Variants in ZFHX3 observed in about 807,000 individuals in gnomAD.
The protein encoded by ZFHX3 is zinc finger homeobox protein 3.
Under a neutral mutation model 279.1 loss-of-function variants are expected in ZFHX3, and 42 were observed. The ratio of observed to expected loss-of-function variants is 0.15; its 90% CI spans 0.12 to 0.19. ZFHX3 has a LOEUF of 0.19. Ranked by LOEUF, ZFHX3 falls within the 10% of genes least tolerant of loss-of-function variation. The pLI is 1.00. For synonymous variants in ZFHX3, 2,293 were observed against 1,957.8 expected, an observed-to-expected ratio of 1.17 and a Z score of -4.52; for missense variants, 4,981 against 4,754.0, an observed-to-expected ratio of 1.05 and a Z score of -1.40.
At chr16:73,102,054 C>A (rs887824363) in intron 7 of ZFHX3, among the ~76,000 whole-genome samples, 8 of 151,922 alleles carry the variant, frequency 5.3e-5, no homozygotes, top group Non-Finnish European at 1.0e-4. Context: ...GCTGGGATTA[C>A]AGGCACCTGC....
intron 1 of ZFHX3, among the ~76,000 whole-genome samples, chr16:72,960,558 C>G (rs1961527908): frequency 6.6e-6 from 1 of 152,152 alleles, no homozygotes; most frequent in Non-Finnish European, 1.5e-5. Flanking sequence ...TCTCTCCAGC[C>G]CTCTACGAGG....
intron 1 of ZFHX3, among the ~76,000 whole-genome samples, chr16:73,702,573 T>G (rs2053259519): frequency 6.6e-6 from 1 of 152,140 alleles, no homozygotes. Flanking sequence ...ATATCACCTG[T>G]GCAGTTATCG....
chr16:73,037,324 A>G (rs1964945649), intron 1 of ZFHX3, among the ~76,000 whole-genome samples: 1 of 152,208 alleles, frequency 6.6e-6, no homozygotes, highest in Non-Finnish European at 1.5e-5. Context: ...GTTCTAAGAA[A>G]AGCGGTTTTT....
chr16:73,657,017 G>C (rs2052728109), intron 2 of ZFHX3, among the ~76,000 whole-genome samples: 1 of 152,304 alleles, frequency 6.6e-6, no homozygotes, highest in Middle Eastern at 3.4e-3. Flanking sequence ...ATAGCTTTAA[G>C]AAAACAAGTT....
At chr16:72,877,418 G>A (rs751519612) in intron 4 of ZFHX3, among the ~76,000 whole-genome samples, 15 of 152,028 alleles carry the variant, frequency 9.9e-5, no homozygotes, top group Non-Finnish European at 1.3e-4. Flanking sequence ...AATTCTTATT[G>A]TGGAAATAAA....
intron 3 of ZFHX3, among the ~76,000 whole-genome samples, chr16:73,343,279 T>TGATA (rs145855708): frequency 0.028 from 4,227 of 152,280 alleles, 203 homozygotes; most frequent in African/African-American, 0.095. Flanking sequence ...CTTGAATTAA[T>TGATA]GATATCCCAG....
chr16:73,263,509 C>G (rs2013881536), intron 4 of ZFHX3, among the ~76,000 whole-genome samples: 1 of 152,108 alleles, frequency 6.6e-6, no homozygotes, highest in East Asian at 1.9e-4. Flanking sequence ...CTTGGGTGAC[C>G]AATTCTCCAC....
intron 3 of ZFHX3, among the ~76,000 whole-genome samples, chr16:72,914,273 C>T (rs920776376): frequency 6.6e-6 from 1 of 152,142 alleles, no homozygotes; most frequent in Non-Finnish European, 1.5e-5. Flanking sequence ...GAAGACAGTC[C>T]GCCTTCATCT....
At chr16:73,398,047 G>A (rs187016099) in intron 3 of ZFHX3, among the ~76,000 whole-genome samples, 8 of 152,214 alleles carry the variant, frequency 5.3e-5, no homozygotes, top group Admixed American at 2.6e-4. Context: ...GTTTCACCAC[G>A]CTGGCCAGGC....
intron 1 of ZFHX3, among the ~76,000 whole-genome samples, chr16:73,791,746 T>A (rs761388840): frequency 3.3e-5 from 5 of 152,194 alleles, no homozygotes; most frequent in Non-Finnish European, 5.9e-5. Context: ...TCTAACAAAT[T>A]CCCGGATAAC....
At chr16:72,919,713 T>G (rs887924165) in intron 3 of ZFHX3, among the ~76,000 whole-genome samples, 3 of 150,552 alleles carry the variant, frequency 2.0e-5, no homozygotes, top group Non-Finnish European at 4.4e-5. Flanking sequence ...GATCTGTATA[T>G]GTAACATTTT....
chr16:73,556,966 G>A (rs1444861966), intron 2 of ZFHX3, among the ~76,000 whole-genome samples: 2 of 151,612 alleles, frequency 1.3e-5, no homozygotes, highest in African/African-American at 4.8e-5. Context: ...ATGGTGGTGG[G>A]CGCCTGTAGT....
In ZFHX3 at chr16:72,787,724, C is replaced by T. The variant is rs937833310; in HGVS notation, c.10552G>A (p.Gly3518Ser). The change falls in exon 10 of 10, where the codon GGC becomes AGC. Residue 3518 changes from glycine (G) to serine (S), a missense_variant. Gly to Ser is a moderately conservative substitution (Grantham distance 56). Transcript: ENST00000268489. The stretch of plus-strand genomic sequence containing the variant: ...CCGCCGCCGCCGCCGCCGCCACCGC[C>T]GCCGCCGCCGCCACTGCCACCGCCG... ...GGGGGSGGGG[G>S]GGGGGGGGGS... 2.1e-5 allele frequency: 29 copies of T among 1,394,244 alleles called. No individual in the cohort carries two copies. Among genetic ancestry groups the T allele is most frequent in the South Asian group, 4.1e-5 (2 of 49,058 alleles). The allele number at this position is 1,394,244 out of a possible 1,614,324, so 86.4% of individuals were successfully genotyped here. A position where few individuals can be genotyped will look rare whatever the true frequency, so the allele number is the denominator to read the frequency against.
At chr16:73,072,680 T>C (rs1965839539) in intron 8 of ZFHX3, among the ~76,000 whole-genome samples, 1 of 152,122 alleles carries the variant, frequency 6.6e-6, no homozygotes, top group South Asian at 2.1e-4. Flanking sequence ...TCCTCCCACT[T>C]CAGCCTCCTG....
chr16:73,354,333 C>T (rs1310838611), intron 3 of ZFHX3, among the ~76,000 whole-genome samples: 2 of 152,108 alleles, frequency 1.3e-5, no homozygotes, highest in Admixed American at 6.5e-5. Flanking sequence ...TGTAAGGTCC[C>T]GAGTGTATTC....
chr16:73,831,370 C>T (rs1302309741), intron 1 of ZFHX3, among the ~76,000 whole-genome samples: 1 of 152,134 alleles, frequency 6.6e-6, no homozygotes, highest in Non-Finnish European at 1.5e-5. Flanking sequence ...TCAGAGCAGC[C>T]CTGGGGGCTC....
intron 2 of ZFHX3, among the ~76,000 whole-genome samples, chr16:73,625,500 A>G (rs1305739839): frequency 6.6e-6 from 1 of 152,264 alleles, no homozygotes; most frequent in Non-Finnish European, 1.5e-5. Context: ...CATTATGTAT[A>G]TAATGAATGA....
chr16:73,359,375 A>C (rs1406320028), intron 3 of ZFHX3, among the ~76,000 whole-genome samples: 1 of 152,140 alleles, frequency 6.6e-6, no homozygotes, highest in South Asian at 2.1e-4. Flanking sequence ...CTGGAGTGGA[A>C]GGTGAGTACT....
At chr16:73,398,564 C>A (rs1367457654) in intron 3 of ZFHX3, among the ~76,000 whole-genome samples, 1 of 152,274 alleles carries the variant, frequency 6.6e-6, no homozygotes, top group East Asian at 1.9e-4. Context: ...CAGGGTGGAG[C>A]ATTTATAACA....
Sources: gnomAD v4.1 joint callset for allele counts (sites outside exome capture counted in the v4.1 genomes callset) on GRCh38, gnomAD v4.1.1 for gene constraint, MANE v1.5 for transcripts, NCBI Gene and HGNC (gene_info 2026-07-23, HGNC 2026-07-21) for gene names.